Variants in PLPPR5 observed in about 807,000 individuals in gnomAD.
PLPPR5 encodes phospholipid phosphatase-related protein type 5.
Under a neutral mutation model 33.9 loss-of-function variants are expected in PLPPR5, and 16 were observed. The observed-to-expected ratio is 0.47, with a 90% CI of 0.32 to 0.72. PLPPR5 has a LOEUF of 0.72. PLPPR5 is among the 30% of genes least tolerant of loss of function. The probability of loss-of-function intolerance (pLI) is 0.03; values close to 1 mark genes in which losing one functional copy is unlikely to be tolerated. For missense variants in PLPPR5, 301 were observed against 406.7 expected (o/e 0.74, Z 2.23); for synonymous variants, 163 against 150.3 (o/e 1.08, Z -0.62).
chr1:98,953,431 T>C, intron 2 of PLPPR5, 111 bp from the exon 3 acceptor site: 1 of 1,419,628 alleles, frequency 7.0e-7, no homozygotes. Flanking sequence ...TGGAAATATT[T>C]TAGAAACTAT....
chr1:98,922,839 G>T (rs1649618157), intron 3 of PLPPR5, among the ~76,000 whole-genome samples: 1 of 152,044 alleles, frequency 6.6e-6, no homozygotes, highest in African/African-American at 2.4e-5. Flanking sequence ...CAAAAAATCA[G>T]CTGGGCGTGG....
chr1:98,896,602 A>C (rs1239131761), intron 5 of PLPPR5, among the ~76,000 whole-genome samples: 2 of 152,092 alleles, frequency 1.3e-5, no homozygotes, highest in Non-Finnish European at 2.9e-5. Context: ...TGAAGCATCC[A>C]TTAGAAAGTG....
chr1:98,965,555 C>T (rs1469106604), intron 1 of PLPPR5, among the ~76,000 whole-genome samples: 6 of 152,128 alleles, frequency 3.9e-5, no homozygotes, highest in Non-Finnish European at 7.3e-5. Flanking sequence ...TAGCAACCTA[C>T]AAGAATGCAG....
chr1:98,973,669 G>A (rs1181007722), intron 1 of PLPPR5, among the ~76,000 whole-genome samples: 1 of 151,890 alleles, frequency 6.6e-6, no homozygotes, highest in African/African-American at 2.4e-5. Flanking sequence ...CAGGACATAG[G>A]GTTGACACAA....
chr1:99,004,893 C>T (rs1242739161), upstream of PLPPR5: 1 of 208,466 alleles, frequency 4.8e-6, no homozygotes, highest in Non-Finnish European at 9.4e-6. Flanking sequence ...GGACGAGCCC[C>T]CTCTCCCCTG....
chr1:98,891,381 A>T lies in PLPPR5; in HGVS notation c.*1691T>A, dbSNP rs1648267765. On this transcript the variant is annotated 3_prime_UTR_variant, in exon 6 of 6. Coordinates refer to ENST00000263177, the MANE Select transcript of PLPPR5 (RefSeq NM_001037317.2). ...AGGAAATTAAAAGTTTGCTTTCTTT[A>T]GTACTGTAAAGTTTAGAAAGATTCA... 6.6e-6 allele frequency: 1 copy of T among 152,116 alleles called. No individual in the cohort carries two copies. The allele number at this position is 152,116 out of a possible 1,614,324, so 9.4% of individuals were successfully genotyped here.
intron 1 of PLPPR5, among the ~76,000 whole-genome samples, chr1:98,985,869 A>C (rs1427604134): frequency 6.6e-6 from 1 of 152,054 alleles, no homozygotes; most frequent in Non-Finnish European, 1.5e-5. Flanking sequence ...ACAATGACAA[A>C]ATCACCTAAC....
At chr1:98,973,847 T>C (rs946060063) in intron 1 of PLPPR5, among the ~76,000 whole-genome samples, 6 of 146,362 alleles carry the variant, frequency 4.1e-5, no homozygotes, top group Non-Finnish European at 6.0e-5. Context: ...CCAAGTGAGG[T>C]GCCGGTACTT....
upstream of PLPPR5, among the ~76,000 whole-genome samples, chr1:99,005,604 G>GAGGAGT (rs1653061300): frequency 6.6e-6 from 1 of 152,076 alleles, no homozygotes; most frequent in Non-Finnish European, 1.5e-5. Context: ...GTCTTTATTA[G>GAGGAGT]CTGCTTGTGA....
intron 3 of PLPPR5, among the ~76,000 whole-genome samples, chr1:98,924,447 A>C (rs907449369): frequency 2.0e-5 from 3 of 152,198 alleles, no homozygotes; most frequent in African/African-American, 7.2e-5. Flanking sequence ...GTACCAGTGA[A>C]TGCAAGACAG....
At chr1:98,980,793 C>A (rs1278113449) in intron 1 of PLPPR5, among the ~76,000 whole-genome samples, 2 of 151,948 alleles carry the variant, frequency 1.3e-5, no homozygotes, top group Non-Finnish European at 2.9e-5. Context: ...ATTATAGAAG[C>A]AAAACATAGA....
At chr1:98,925,840 C>G (rs1649737235) in intron 3 of PLPPR5, among the ~76,000 whole-genome samples, 1 of 152,132 alleles carries the variant, frequency 6.6e-6, no homozygotes, top group Non-Finnish European at 1.5e-5. Context: ...GAAAGGTGTC[C>G]TAGACAACAT....
chr1:98,935,283 G>A (rs1048182167), intron 3 of PLPPR5, among the ~76,000 whole-genome samples: 4 of 152,138 alleles, frequency 2.6e-5, no homozygotes, highest in Non-Finnish European at 5.9e-5. Flanking sequence ...AAGTTGTGTA[G>A]GCAATTATAT....
intron 1 of PLPPR5, among the ~76,000 whole-genome samples, chr1:98,965,375 G>A (rs770202121): frequency 1.5e-5 from 2 of 131,548 alleles, no homozygotes; most frequent in Non-Finnish European, 3.4e-5. Flanking sequence ...GAAGCTCCTC[G>A]AATCTTGCCC....
At chr1:98,945,523 T>C (rs913390849) in intron 3 of PLPPR5, among the ~76,000 whole-genome samples, 2 of 152,198 alleles carry the variant, frequency 1.3e-5, no homozygotes, top group Non-Finnish European at 2.9e-5. Context: ...AGACCAAATA[T>C]CGACTTTGGA....
chr1:98,916,839 C>T, intron 4 of PLPPR5, among the ~76,000 whole-genome samples: 1 of 152,154 alleles, frequency 6.6e-6, no homozygotes, highest in African/African-American at 2.4e-5. Flanking sequence ...TGTCTGCTAA[C>T]ATTTACGATG....
chr1:98,909,230 C>T (rs1355426094), intron 5 of PLPPR5, among the ~76,000 whole-genome samples: 1 of 120,362 alleles, frequency 8.3e-6, no homozygotes, highest in South Asian at 3.4e-4. Flanking sequence ...CCTCCCTTCC[C>T]TTCCCTTTCC....
chr1:98,910,907 T>C (rs572189985), intron 5 of PLPPR5, among the ~76,000 whole-genome samples: 2,014 of 137,676 alleles, frequency 0.015, 16 homozygotes, highest in Middle Eastern at 0.019. Flanking sequence ...TTTTTTTTTC[T>C]CATCGGTGTT....
At chr1:98,912,737 T>C (rs1649201256) in intron 5 of PLPPR5, among the ~76,000 whole-genome samples, 1 of 152,192 alleles carries the variant, frequency 6.6e-6, no homozygotes, top group African/African-American at 2.4e-5. Context: ...GTTTTTACCA[T>C]TATAATGAGG....
Sources: gnomAD v4.1 joint callset for allele counts (sites outside exome capture counted in the v4.1 genomes callset) on GRCh38, gnomAD v4.1.1 for gene constraint, MANE v1.5 for transcripts, NCBI Gene and HGNC (gene_info 2026-07-23, HGNC 2026-07-21) for gene names.